The following KLHL29 variants were observed in gnomAD, a reference collection of about 807,000 sequenced individuals.
The protein encoded by KLHL29 is kelch like family member 29.
Under a neutral mutation model 80.4 loss-of-function variants are expected in KLHL29, and 21 were observed. That is an observed-to-expected ratio of 0.26 (90% CI 0.19 to 0.38). KLHL29 has a LOEUF of 0.38. KLHL29 is among the 10% of genes least tolerant of loss of function. The probability of loss-of-function intolerance (pLI) is 1.00; values close to 1 mark genes in which losing one functional copy is unlikely to be tolerated. For missense variants in KLHL29, 867 were observed against 1,223.9 expected (o/e 0.71, Z 4.35); for synonymous variants, 511 against 526.8 (o/e 0.97, Z 0.41).
At chr2:23,441,452 AC>A (rs1663519447) in intron 1 of KLHL29, among the ~76,000 whole-genome samples, 1 of 126,306 alleles carries the variant, frequency 7.9e-6, no homozygotes, top group Non-Finnish European at 1.8e-5. Flanking sequence ...CACATTGTGC[AC>A]ATGTACCCTA....
chr2:23,611,470 C>T (rs976932287), intron 3 of KLHL29, among the ~76,000 whole-genome samples: 1 of 152,178 alleles, frequency 6.6e-6, no homozygotes, highest in East Asian at 1.9e-4. Context: ...CCTCTGGGTT[C>T]TCCAAAATGA....
Position 23,703,798 on chromosome 2 carries a change from C to T in KLHL29, c.2379C>T (p.Ile793=). The change falls in exon 13 of 14, where the codon ATC becomes ATT. Residue 793 remains isoleucine, a synonymous_variant. Transcript: ENST00000486442. ...GGGCTTATGCCAGAGCTACCACCAT[C>T]TACGACCCTGAGAAAGGAAACATTA... is the stretch of plus-strand genomic sequence containing the variant. ...LGGAYARATT[I]YDPEKGNIKA... 1 of 1,537,520 alleles carries T rather than the reference C, an allele frequency of 6.5e-7. No homozygotes were observed. Among genetic ancestry groups the T allele is most frequent in the East Asian group, 2.4e-5 (1 of 40,920 alleles).
chr2:23,679,132 G>A (rs1384942338), intron 5 of KLHL29, among the ~76,000 whole-genome samples: 1 of 151,944 alleles, frequency 6.6e-6, no homozygotes, highest in East Asian at 1.9e-4. Context: ...GAGCACTTGA[G>A]TCCATCATCT....
chr2:23,436,628 G>C (rs1224425418), intron 1 of KLHL29, among the ~76,000 whole-genome samples: 1 of 152,230 alleles, frequency 6.6e-6, no homozygotes, highest in African/African-American at 2.4e-5. Flanking sequence ...CTGCGAAGCG[G>C]GAAGAGGAGC....
chr2:23,535,982 C>T (rs1666648631), intron 2 of KLHL29, among the ~76,000 whole-genome samples: 1 of 152,154 alleles, frequency 6.6e-6, no homozygotes, highest in Non-Finnish European at 1.5e-5. Context: ...AAGGCAGCCT[C>T]CTGGCCCCCT....
chr2:23,395,617 C>T (rs1356579283), intron 1 of KLHL29, among the ~76,000 whole-genome samples: 4 of 152,066 alleles, frequency 2.6e-5, no homozygotes, highest in Admixed American at 6.6e-5. Context: ...TGGTGGCATG[C>T]GCCTGTAATC....
chr2:23,605,417 G>A (rs945740083), intron 3 of KLHL29, among the ~76,000 whole-genome samples: 1 of 151,944 alleles, frequency 6.6e-6, no homozygotes, highest in Non-Finnish European at 1.5e-5. Context: ...CTTATGGAGC[G>A]ACTTCCACGC....
intron 2 of KLHL29, among the ~76,000 whole-genome samples, chr2:23,490,098 G>A (rs1193425519): frequency 1.3e-5 from 2 of 152,240 alleles, no homozygotes; most frequent in South Asian, 2.1e-4. Context: ...GCGAGGATGC[G>A]CGTGCAGGCG....
chr2:23,422,141 GTGTC>G (rs892600103), intron 1 of KLHL29, among the ~76,000 whole-genome samples: 1 of 151,630 alleles, frequency 6.6e-6, no homozygotes, highest in African/African-American at 2.4e-5. Flanking sequence ...TGTGTTGTGT[GTGTC>G]TGTGTGAGTG....
At chr2:23,663,190 G>T (rs986315382) in intron 5 of KLHL29, among the ~76,000 whole-genome samples, 63 of 152,248 alleles carry the variant, frequency 4.1e-4, no homozygotes, top group African/African-American at 1.4e-3. Context: ...GCTATGGAGT[G>T]AGATAGATGG....
chr2:23,605,521 G>A (rs779220767), intron 3 of KLHL29, among the ~76,000 whole-genome samples: 20 of 152,190 alleles, frequency 1.3e-4, no homozygotes, highest in South Asian at 4.1e-4. Flanking sequence ...TGCGCATGGT[G>A]AGGGACCGTA....
At chr2:23,597,425 T>TC (rs1668456412) in intron 3 of KLHL29, among the ~76,000 whole-genome samples, 1 of 97,306 alleles carries the variant, frequency 1.0e-5, no homozygotes, top group Non-Finnish European at 2.1e-5. Flanking sequence ...TTTTTTTTTT[T>TC]TTTTTTTTTT....
chr2:23,663,603 A>G (rs965702605), intron 5 of KLHL29, among the ~76,000 whole-genome samples: 16 of 152,212 alleles, frequency 1.1e-4, no homozygotes, highest in African/African-American at 3.6e-4. Flanking sequence ...CTTTTCTCCA[A>G]ATGGGCTTTT....
At chr2:23,637,862 C>T (rs689184) in intron 3 of KLHL29, among the ~76,000 whole-genome samples, 74,787 of 151,638 alleles carry the variant, frequency 0.49, 19,325 homozygotes, top group East Asian at 0.89. Context: ...GCAGATGCCC[C>T]GGAGGCTCCT....
intron 2 of KLHL29, among the ~76,000 whole-genome samples, chr2:23,514,512 G>A (rs1665865245): frequency 6.6e-6 from 1 of 152,186 alleles, no homozygotes; most frequent in South Asian, 2.1e-4. Flanking sequence ...ATCCTGACGA[G>A]TGCCCTGACT....
Position 23,425,081 on chromosome 2 carries a change from ATG to A in KLHL29, c.-154+39305_-154+39306del, listed in dbSNP as rs145797325. Among the ~76,000 whole-genome samples the A allele has an allele frequency of 4.6e-3, 700 of 152,364 alleles. 4 individuals carry two copies. Among genetic ancestry groups the A allele is most frequent in the African/African-American group, 0.016 (654 of 41,588 alleles). ...TAACGTTAAATGGGAAAATGTTGAA[ATG>A]TGTCTTTATATATAATGAACGTTAT... is the stretch of plus-strand genomic sequence containing the variant. On this transcript the variant is annotated intron_variant, in intron 1 of 13. Transcript: ENST00000486442.
intron 3 of KLHL29, among the ~76,000 whole-genome samples, chr2:23,581,128 TAAG>T (rs561504986): frequency 5.3e-5 from 8 of 151,854 alleles, no homozygotes; most frequent in Admixed American, 2.0e-4. Flanking sequence ...TCCGAGAAAA[TAAG>T]GAGTGTAGCA....
chr2:23,582,703 A>G (rs1445243915), intron 3 of KLHL29, among the ~76,000 whole-genome samples: 1 of 152,166 alleles, frequency 6.6e-6, no homozygotes, highest in Non-Finnish European at 1.5e-5. Flanking sequence ...GATTTAAGCT[A>G]TATTTCAGGG....
At position 23,695,795 on chromosome 2, in the gene KLHL29, C is replaced by G; in HGVS notation, c.1715C>G (p.Pro572Arg). 6.4e-7 allele frequency: 1 copy of G among 1,550,548 alleles called. No homozygotes were observed. ...CACGCCCGCCAGGAGATGCAGACGCCCCGAACCCGGCCGCGCCTCTCTGCA... is the reference window on the plus strand; with the variant it reads ...CACGCCCGCCAGGAGATGCAGACGCGCCGAACCCGGCCGCGCCTCTCTGCA... The part of the protein sequence containing the change: ...LPHARQEMQT[P>R]RTRPRLSAGV... The change falls in exon 9 of 14, where the codon CCC becomes CGC. Residue 572 changes from proline (P) to arginine (R), a missense_variant. Around this residue, in one of 2 missense-constraint regions of KLHL29, gnomAD observed 443 missense variants for 767.0 expected, o/e 0.58. Transcript: ENST00000486442. The surrounding 1 kb of genome is among the most constrained non-coding windows in gnomAD (Gnocchi z 7.6).
Sources: gnomAD v4.1 joint callset for allele counts (sites outside exome capture counted in the v4.1 genomes callset) on GRCh38, gnomAD v4.1.1 for gene constraint, gnomAD v4.1.1 regional missense constraint, Gnocchi (gnomAD v3.1) non-coding constraint, MANE v1.5 for transcripts, NCBI Gene and HGNC (gene_info 2026-07-23, HGNC 2026-07-21) for gene names.